The following DCP1A variants were observed in gnomAD, a reference collection of about 807,000 sequenced individuals.
DCP1A encodes the protein decapping mRNA 1A.
DCP1A carries 20 observed loss-of-function variants against 58.0 expected under a neutral mutation model. That is an observed-to-expected ratio of 0.34 (90% CI 0.24 to 0.50). The LOEUF (loss-of-function observed/expected upper bound fraction) is 0.50. Among genes scored for constraint, DCP1A ranks in the 20% least tolerant of loss-of-function variants. The pLI is 0.98. For missense variants in DCP1A, 613 were observed against 712.2 expected (o/e 0.86, Z 1.59); for synonymous variants, 285 against 275.1 (o/e 1.04, Z -0.36).
chr3:53,323,390 G>C (rs1405737021), intron 3 of DCP1A, among the ~76,000 whole-genome samples: 1 of 152,186 alleles, frequency 6.6e-6, no homozygotes, highest in Non-Finnish European at 1.5e-5. Context: ...CAGTAAATCA[G>C]ATCAGGGCTT....
At position 53,343,880 on chromosome 3, in the gene DCP1A, G is replaced by C. The variant is rs540798589; in HGVS notation, c.176+1022C>G. Among the ~76,000 whole-genome samples the C allele has an allele frequency of 1.6e-4, 24 of 152,266 alleles. No homozygotes were observed. The South Asian group carries it at 5.0e-3, about 32-fold the overall frequency. ...CCCACCTCGGCCTCCCAAAGTGCTGGGATTACAGGCGTGAGCCACTGCACC... is the reference window on the plus strand; with the variant it reads ...CCCACCTCGGCCTCCCAAAGTGCTGCGATTACAGGCGTGAGCCACTGCACC... On this transcript the variant is annotated intron_variant, in intron 2 of 9. Transcript: ENST00000610213.
Position 53,312,339 on chromosome 3 carries a change from G to A in DCP1A, c.412C>T (p.Arg138Trp), listed in dbSNP as rs115623412. 2.5e-5 allele frequency: 41 copies of A among 1,612,646 alleles called. No homozygotes were observed. Among genetic ancestry groups the A allele is most frequent in the African/African-American group, 1.1e-4 (8 of 74,908 alleles). Reference protein sequence around the residue: ...EETRRSQQAARDKQSPSQANG... With the variant: ...EETRRSQQAAWDKQSPSQANG... ...GCCTGGCTGGGACTCTGTTTGTCCC[G>A]AGCAGCTTGCTGGGATCGCCGTGTC... Residue 138 changes from arginine to tryptophan, a missense_variant, in exon 5 of 10, where the codon CGG (arginine) becomes TGG (tryptophan). Around this residue, in one of 3 missense-constraint regions of DCP1A, gnomAD observed 498 missense variants for 556.7 expected, o/e 0.89. Transcript: ENST00000610213.
intron 6 of DCP1A, among the ~76,000 whole-genome samples, chr3:53,299,349 T>C (rs1240379879): frequency 1.2e-4 from 19 of 152,198 alleles, no homozygotes; most frequent in Non-Finnish European, 5.9e-5. Context: ...ATGCTTCAAG[T>C]TAGGATTCTG....
chr3:53,294,930 G>A, intron 6 of DCP1A, among the ~76,000 whole-genome samples: 1 of 152,238 alleles, frequency 6.6e-6, no homozygotes, highest in South Asian at 2.1e-4. Context: ...GCCTACCCAA[G>A]TAATGGCACC....
Position 53,288,278 on chromosome 3 carries a change from T to A in DCP1A, c.1455A>T (p.Ala485=). Residue 485 remains alanine (A), a synonymous_variant, in exon 9 of 10, where the codon GCA becomes GCT. Transcript: ENST00000610213. ...PKVLSSAIPV[A]GAPLVTATTT... ...TCGTTGCAGTAACCAGTGGGGCGCC[T>A]GCAACCTGGAGAGTGACAATGGTCA... 1 of 1,606,614 alleles carries A rather than the reference T, an allele frequency of 6.2e-7. No individual in the cohort carries two copies. Among genetic ancestry groups the A allele is most frequent in the Non-Finnish European group, 8.5e-7 (1 of 1,176,344 alleles).
At chr3:53,318,213 G>C (rs928969637) in intron 4 of DCP1A, among the ~76,000 whole-genome samples, 1 of 152,152 alleles carries the variant, frequency 6.6e-6, no homozygotes, top group Non-Finnish European at 1.5e-5. Flanking sequence ...GCTGAGATGG[G>C]AGGATCACTT....
intron 4 of DCP1A, among the ~76,000 whole-genome samples, chr3:53,318,022 G>A (rs781983309): frequency 4.6e-5 from 7 of 152,182 alleles, no homozygotes; most frequent in Non-Finnish European, 1.0e-4. Flanking sequence ...TTAGGCTGTT[G>A]GCCTGGCATG....
chr3:53,326,027 T>C (rs906187041), intron 3 of DCP1A, among the ~76,000 whole-genome samples: 5 of 152,222 alleles, frequency 3.3e-5, no homozygotes, highest in African/African-American at 1.2e-4. Flanking sequence ...ATTTAAATTG[T>C]AATATCTACT....
intron 3 of DCP1A, among the ~76,000 whole-genome samples, chr3:53,341,051 A>C (rs144095440): frequency 6.6e-6 from 1 of 152,272 alleles, no homozygotes; most frequent in African/African-American, 2.4e-5. Flanking sequence ...ACACTCAATT[A>C]AATAAACAGA....
chr3:53,336,945 ACTGCAACCTTC>A (rs1240656269), intron 3 of DCP1A, among the ~76,000 whole-genome samples: 1 of 152,020 alleles, frequency 6.6e-6, no homozygotes, highest in Non-Finnish European at 1.5e-5. Context: ...ATCTAGGCTC[ACTGCAACCTTC>A]ACTGCCTGGG....
chr3:53,296,553 C>A, intron 6 of DCP1A, among the ~76,000 whole-genome samples: 1 of 152,200 alleles, frequency 6.6e-6, no homozygotes, highest in East Asian at 1.9e-4. Flanking sequence ...ACTGACAGCA[C>A]AATAGACATT....
chr3:53,297,398 T>A (rs1191293934), intron 6 of DCP1A, among the ~76,000 whole-genome samples: 2 of 151,702 alleles, frequency 1.3e-5, no homozygotes, highest in African/African-American at 4.8e-5. Flanking sequence ...AGTCTTGCTG[T>A]CACCCAGGCT....
intron 3 of DCP1A, chr3:53,338,096 C>T (rs749801087): frequency 3.1e-5 from 13 of 419,946 alleles, no homozygotes; most frequent in East Asian, 7.2e-5. Flanking sequence ...ATTACCTTTG[C>T]GAATCTCGAG....
At chr3:53,309,645 G>A (rs1707585128) in intron 5 of DCP1A, among the ~76,000 whole-genome samples, 1 of 152,148 alleles carries the variant, frequency 6.6e-6, no homozygotes, top group Admixed American at 6.5e-5. Flanking sequence ...ATGGCCTATA[G>A]TCGTGGCTAA....
intron 3 of DCP1A, among the ~76,000 whole-genome samples, chr3:53,334,057 T>G (rs2089066545): frequency 6.6e-6 from 1 of 151,874 alleles, no homozygotes; most frequent in Non-Finnish European, 1.5e-5. Flanking sequence ...AGCCCAGGAG[T>G]TTGAGACCAG....
At chr3:53,323,483 A>G (rs1708027944) in intron 3 of DCP1A, among the ~76,000 whole-genome samples, 1 of 152,224 alleles carries the variant, frequency 6.6e-6, no homozygotes. Context: ...TGAACACCCC[A>G]AACACTGAAG....
At position 53,344,935 on chromosome 3, in the gene DCP1A, G is replaced by A; in HGVS notation, c.143C>T (p.Thr48Ile). The change falls in exon 2 of 10, where the codon ACT becomes ATT. Residue 48 changes from threonine to isoleucine, a missense_variant. Thr to Ile is a moderately conservative substitution (Grantham distance 89, BLOSUM62 -1). Coordinates refer to ENST00000610213, the MANE Select transcript of DCP1A (RefSeq NM_018403.7). ...TACGAATAAGGTCCCTTCTATATCA[G>A]TCTTCTCCTATGAAAGACAATGACT... ...FCPKANQWEK[T>I]DIEGTLFVYR... 1 of 1,603,458 alleles carries A rather than the reference G, an allele frequency of 6.2e-7. No homozygotes were observed. The highest frequency in any genetic ancestry group is 8.5e-7 in the Non-Finnish European group (1 of 1,175,008).
chr3:53,301,706 CAGTA>C (rs1417566636), intron 6 of DCP1A, among the ~76,000 whole-genome samples: 4 of 152,224 alleles, frequency 2.6e-5, no homozygotes, highest in Non-Finnish European at 4.4e-5. Context: ...AGATGTTCTT[CAGTA>C]AGTGAGTTGC....
rs1553685478 is a variant in DCP1A at position 53,288,316 on chromosome 3, G to C, written c.1450-33C>G. On this transcript the variant is annotated intron_variant, in intron 8 of 9. Coordinates refer to ENST00000610213, the MANE Select transcript of DCP1A (RefSeq NM_018403.7). Reference sequence around the variant, plus strand: ...GTGACAATGGTCATTTTGTACCGAAGTGCAGAAGCCAGTAGCCAGGCCCAG... The same window carrying C: ...GTGACAATGGTCATTTTGTACCGAACTGCAGAAGCCAGTAGCCAGGCCCAG... 34 of 1,559,462 alleles carry C rather than the reference G, an allele frequency of 2.2e-5. No homozygotes were observed. The East Asian group carries it at 8.0e-4, about 37-fold the overall frequency.
Sources: allele counts gnomAD v4.1 joint callset (sites outside exome capture counted in the v4.1 genomes callset), GRCh38; gene constraint gnomAD v4.1.1; regional missense constraint gnomAD v4.1.1; transcripts MANE v1.5; gene names NCBI Gene and HGNC (gene_info 2026-07-23, HGNC 2026-07-21).